The following PCDHGA3 variants were observed in gnomAD, a reference collection of about 807,000 sequenced individuals.
PCDHGA3 encodes protocadherin gamma subfamily A, 3.
A neutral mutation model predicts 58.5 loss-of-function variants in PCDHGA3; 40 were observed. The ratio of observed to expected loss-of-function variants is 0.68; its 90% CI spans 0.53 to 0.89. The LOEUF (loss-of-function observed/expected upper bound fraction) is 0.89. Among genes scored for constraint, PCDHGA3 ranks in the 40% least tolerant of loss-of-function variants. PCDHGA3 has a pLI of 0.00. For synonymous variants in PCDHGA3, 530 were observed against 525.7 expected (o/e 1.01, Z -0.11); for missense variants, 1,223 against 1,195.9 (o/e 1.02, Z -0.33).
intron 1 of PCDHGA3, chr5:141,356,820 T>C: frequency 1.2e-6 from 2 of 1,614,068 alleles, no homozygotes; most frequent in South Asian, 2.2e-5. Flanking sequence ...GTGGAGACCC[T>C]CCACTCAGCA....
intron 1 of PCDHGA3, chr5:141,400,577 T>G: frequency 6.2e-7 from 1 of 1,611,914 alleles, no homozygotes; most frequent in East Asian, 2.2e-5. Flanking sequence ...TTTTCTGTAT[T>G]TACATGAAAC....
chr5:141,421,409 C>T, intron 1 of PCDHGA3: 1 of 1,614,026 alleles, frequency 6.2e-7, no homozygotes, highest in Non-Finnish European at 8.5e-7. Context: ...CGGGAGCTGG[C>T]GAAGCGCGGA....
chr5:141,395,157 C>G, intron 1 of PCDHGA3: 2 of 1,614,174 alleles, frequency 1.2e-6, no homozygotes, highest in Non-Finnish European at 1.7e-6. Context: ...GCTCATCAGT[C>G]AGGAGGGCTG....
intron 1 of PCDHGA3, among the ~76,000 whole-genome samples, chr5:141,446,356 A>G (rs73280911): frequency 0.088 from 13,411 of 152,284 alleles, 771 homozygotes; most frequent in African/African-American, 0.16. Flanking sequence ...CTACCATTTG[A>G]TGAGAATGGA....
intron 1 of PCDHGA3, chr5:141,405,358 A>G (rs567878422): frequency 6.2e-7 from 1 of 1,613,900 alleles, no homozygotes; most frequent in East Asian, 2.2e-5. Context: ...TTCCTATAGA[A>G]GACACCCCTT....
chr5:141,464,769 T>C (rs2154568595), intron 1 of PCDHGA3, among the ~76,000 whole-genome samples: 1 of 152,328 alleles, frequency 6.6e-6, no homozygotes. Flanking sequence ...ACAGGAATCT[T>C]GTTCTGTTGC....
intron 1 of PCDHGA3, chr5:141,398,495 T>G: frequency 1.2e-6 from 2 of 1,610,214 alleles, no homozygotes; most frequent in Non-Finnish European, 1.7e-6. Context: ...AATGTGGAGA[T>G]CGAGGACATT....
intron 1 of PCDHGA3, chr5:141,387,775 A>C (rs2091090328): frequency 6.9e-7 from 1 of 1,450,000 alleles, no homozygotes; most frequent in South Asian, 1.4e-5. Context: ...TTTTTTCTTG[A>C]ACTGGAACTG....
At chr5:141,509,908 G>A (rs376035312) in intron 3 of PCDHGA3, among the ~76,000 whole-genome samples, 1 of 152,164 alleles carries the variant, frequency 6.6e-6, no homozygotes, top group African/African-American at 2.4e-5. Flanking sequence ...TCCAGCATGC[G>A]CTTAGGTACA....
intron 1 of PCDHGA3, chr5:141,389,372 G>A: frequency 6.2e-7 from 1 of 1,613,806 alleles, no homozygotes; most frequent in South Asian, 1.1e-5. Flanking sequence ...ACCTGGAGCA[G>A]CGGGAGCTGT....
chr5:141,424,956 T>C (rs1435882776), intron 1 of PCDHGA3, among the ~76,000 whole-genome samples: 3 of 152,176 alleles, frequency 2.0e-5, no homozygotes, highest in African/African-American at 7.2e-5. Context: ...TTCTAGGTAT[T>C]TGCCCCAAAT....
intron 1 of PCDHGA3, among the ~76,000 whole-genome samples, chr5:141,437,919 G>A (rs2097917914): frequency 1.3e-5 from 2 of 152,078 alleles, no homozygotes; most frequent in Admixed American, 1.3e-4. Context: ...TGTATTTTTA[G>A]TAGAGATGGG....
At chr5:141,497,478 C>A (rs974494984) in intron 2 of PCDHGA3, among the ~76,000 whole-genome samples, 1 of 150,954 alleles carries the variant, frequency 6.6e-6, no homozygotes, top group African/African-American at 2.4e-5. Flanking sequence ...GGAGAAGGTG[C>A]GGAACCTCTC....
At chr5:141,445,895 A>C (rs930350527) in intron 1 of PCDHGA3, among the ~76,000 whole-genome samples, 1 of 152,212 alleles carries the variant, frequency 6.6e-6, no homozygotes, top group Admixed American at 6.5e-5. Context: ...GGAGCTATTA[A>C]AATATTTTAA....
Position 141,490,885 on chromosome 5 carries a change from T to C in PCDHGA3, c.2425-3922T>C, listed in dbSNP as rs1317781676. The stretch of plus-strand genomic sequence containing the variant: ...CTCTCCCCCATTGCATGCCAACACA[T>C]CTCTGCATGTGTTTGTCCTAGACGA... On this transcript the variant is annotated intron_variant, in intron 1 of 3. Coordinates refer to ENST00000253812, the MANE Select transcript of PCDHGA3 (RefSeq NM_018916.4). This position sits in a 1 kb window ranked among gnomAD's most constrained non-coding sequence, Gnocchi z 5.4. The C allele has an allele frequency of 6.2e-7, 1 of 1,613,872 alleles. No individual in the cohort carries two copies. Among genetic ancestry groups the C allele is most frequent in the Non-Finnish European group, 8.5e-7 (1 of 1,179,904 alleles).
At position 141,344,821 on chromosome 5, in the gene PCDHGA3, C is replaced by T. The variant is rs780866880; in HGVS notation, c.788C>T (p.Thr263Met). The T allele has an allele frequency of 1.9e-6, 3 of 1,613,800 alleles. No individual in the cohort carries two copies. The highest frequency in any genetic ancestry group is 1.7e-5 in the Admixed American group (1 of 60,008). ...ENVPVGTRLLTVNATDPDEGF... is the reference protein window; with the variant it reads ...ENVPVGTRLLMVNATDPDEGF... ...GTGCCTGTGGGTACCCGGCTGCTCA[C>T]GGTGAATGCCACTGACCCTGACGAG... Residue 263 changes from threonine to methionine, a missense_variant, in exon 1 of 4, where the codon ACG becomes ATG. Physicochemically the swap from Thr to Met is moderately conservative, Grantham distance 81. Around this residue, in one of 3 missense-constraint regions of PCDHGA3, gnomAD observed 791 missense variants for 708.5 expected, o/e 1.12. Transcript: ENST00000253812.
At chr5:141,400,126 G>A (rs1428204829) in intron 1 of PCDHGA3, 2 of 1,613,972 alleles carry the variant, frequency 1.2e-6, no homozygotes, top group East Asian at 2.2e-5. Context: ...CTTGCAGGAG[G>A]TGCTGCCGGA....
At chr5:141,452,065 T>A (rs185791618) in intron 1 of PCDHGA3, among the ~76,000 whole-genome samples, 1 of 152,332 alleles carries the variant, frequency 6.6e-6, no homozygotes, top group Non-Finnish European at 1.5e-5. Flanking sequence ...TTATTCTACT[T>A]TTATTAGTTG....
At chr5:141,361,876 G>T in intron 1 of PCDHGA3, 1 of 1,610,918 alleles carries the variant, frequency 6.2e-7, no homozygotes, top group Non-Finnish European at 8.5e-7. Context: ...GGTGCCACGC[G>T]CCGCAGAGCC....
Sources: allele counts gnomAD v4.1 joint callset (sites outside exome capture counted in the v4.1 genomes callset), GRCh38; gene constraint gnomAD v4.1.1; regional missense constraint gnomAD v4.1.1; non-coding constraint Gnocchi (gnomAD v3.1); transcripts MANE v1.5; gene names NCBI Gene and HGNC (gene_info 2026-07-23, HGNC 2026-07-21).